Variants in BLTP1 observed in about 807,000 individuals in gnomAD.
The protein encoded by BLTP1 is fragile site-associated protein.
At chr4:122,242,322 T>C in the BLTP1 span, among the ~76,000 whole-genome samples, 3 of 152,142 alleles carry the variant, frequency 2.0e-5, no homozygotes, top group Non-Finnish European at 4.4e-5. Flanking sequence ...GTGTCATTTG[T>C]GACAATATGA....
At chr4:122,209,005 GATAA>G in the BLTP1 span, 1,782 of 332,956 alleles carry the variant, frequency 5.4e-3, 4 homozygotes, top group Non-Finnish European at 6.8e-3. Flanking sequence ...AAAAAAAAAA[GATAA>G]ATAATACAAT....
At chr4:122,237,194 T>G in the BLTP1 span, 1 of 985,456 alleles carries the variant, frequency 1.0e-6, no homozygotes, top group Non-Finnish European at 1.2e-6. Flanking sequence ...GGATTTACTT[T>G]TTTTGGCTAA....
chr4:122,216,737 T>TC, the BLTP1 span, among the ~76,000 whole-genome samples: 1 of 152,224 alleles, frequency 6.6e-6, no homozygotes, highest in Non-Finnish European at 1.5e-5. Context: ...GCTGATTATT[T>TC]CTTTTGCTGT....
the BLTP1 span, chr4:122,346,810 A>G: frequency 6.3e-7 from 1 of 1,586,224 alleles, no homozygotes; most frequent in Non-Finnish European, 8.6e-7. Context: ...AGCAAGACCT[A>G]CAATTGATAA....
chr4:122,305,237 AT>A, the BLTP1 span: 95 of 977,738 alleles, frequency 9.7e-5, no homozygotes, highest in African/African-American at 1.6e-4. Flanking sequence ...TTTGCTTGTA[AT>A]TTTTTTTATT....
At chr4:122,281,743 G>A in the BLTP1 span, 1 of 1,578,848 alleles carries the variant, frequency 6.3e-7, no homozygotes, top group East Asian at 2.3e-5. Flanking sequence ...CAGAATACAA[G>A]ATGGGAAGAA....
the BLTP1 span, chr4:122,226,124 G>A: frequency 6.6e-6 from 1 of 151,016 alleles, no homozygotes; most frequent in Non-Finnish European, 1.5e-5. Flanking sequence ...CTTATTTGAG[G>A]GGATAATGTC....
At chr4:122,235,384 T>C in the BLTP1 span, 1 of 983,972 alleles carries the variant, frequency 1.0e-6, no homozygotes, top group Non-Finnish European at 1.2e-6. Flanking sequence ...CCAGCTTGCT[T>C]TTATAGGATA....
the BLTP1 span, among the ~76,000 whole-genome samples, chr4:122,172,113 A>C: frequency 1.3e-5 from 2 of 152,066 alleles, no homozygotes; most frequent in South Asian, 2.1e-4. Context: ...AAATCATAGC[A>C]CTTGCTATGT....
the BLTP1 span, chr4:122,247,617 T>C: frequency 8.3e-7 from 1 of 1,205,584 alleles, no homozygotes; most frequent in African/African-American, 1.5e-5. Flanking sequence ...CATGTTTCTA[T>C]TTCCCATGTG....
At chr4:122,322,633 T>G in the BLTP1 span, among the ~76,000 whole-genome samples, 1 of 152,120 alleles carries the variant, frequency 6.6e-6, no homozygotes, top group Non-Finnish European at 1.5e-5. Flanking sequence ...TAAAGAAGCT[T>G]TAGTGAGGTA....
the BLTP1 span, chr4:122,245,278 C>T: frequency 6.1e-6 from 4 of 657,002 alleles, no homozygotes; most frequent in Non-Finnish European, 7.7e-6. Context: ...ATGTCATTGG[C>T]TCTGTAAAAG....
chr4:122,218,610 G>A, the BLTP1 span, among the ~76,000 whole-genome samples: 1 of 152,120 alleles, frequency 6.6e-6, no homozygotes, highest in Non-Finnish European at 1.5e-5. Context: ...TAACAGATAT[G>A]CTGACAATGT....
chr4:122,229,233 A>G, the BLTP1 span: 2 of 1,602,430 alleles, frequency 1.2e-6, no homozygotes, highest in Non-Finnish European at 1.7e-6. Flanking sequence ...TGTGCTACAA[A>G]TATAAAGGTA....
At chr4:122,166,810 C>T in the BLTP1 span, among the ~76,000 whole-genome samples, 1 of 152,086 alleles carries the variant, frequency 6.6e-6, no homozygotes, top group African/African-American at 2.4e-5. Context: ...AGTTGGATTC[C>T]TAAGTATTTT....
the BLTP1 span, among the ~76,000 whole-genome samples, chr4:122,326,332 A>G: frequency 6.6e-6 from 1 of 151,806 alleles, no homozygotes; most frequent in Non-Finnish European, 1.5e-5. Context: ...GTAAAAGAAC[A>G]TTTATGAAAC....
the BLTP1 span, chr4:122,349,683 G>C: frequency 1.3e-6 from 2 of 1,565,780 alleles, no homozygotes; most frequent in Non-Finnish European, 1.7e-6. This position sits in a 1 kb window ranked among gnomAD's most constrained non-coding sequence, Gnocchi z 4.5. Context: ...TTACATGACT[G>C]TTCTCAACAT....
chr4:122,226,840 A>G, the BLTP1 span: 13 of 1,585,676 alleles, frequency 8.2e-6, no homozygotes, highest in Middle Eastern at 1.7e-4. Context: ...TCCAAGGTAT[A>G]TTAACAAATA....
At chr4:122,174,645 T>A in the BLTP1 span, 2 of 1,588,712 alleles carry the variant, frequency 1.3e-6, no homozygotes, top group Non-Finnish European at 8.6e-7. Flanking sequence ...AGAAGACATG[T>A]CTATTAGGTA....
Sources: allele counts gnomAD v4.1 joint callset (sites outside exome capture counted in the v4.1 genomes callset), GRCh38; gene constraint gnomAD v4.1.1; non-coding constraint Gnocchi (gnomAD v3.1); transcripts MANE v1.5; gene names NCBI Gene and HGNC (gene_info 2026-07-23, HGNC 2026-07-21).